The following OTOG variants were observed in gnomAD, a reference collection of about 807,000 sequenced individuals.
OTOG encodes the protein otogelin.
OTOG carries 296 observed loss-of-function variants against 313.8 expected under a neutral mutation model. The ratio of observed to expected loss-of-function variants is 0.94; its 90% confidence interval spans 0.86 to 1.04. The LOEUF is 1.04. Among genes scored for constraint, OTOG ranks in the 50% least tolerant of loss-of-function variants. The pLI is 0.00. For synonymous variants in OTOG, 1,533 were observed against 1,554.9 expected, an observed-to-expected ratio of 0.99 and a Z score of 0.33; for missense variants, 3,948 against 3,840.1, an observed-to-expected ratio of 1.03 and a Z score of -0.74.
At chr11:17,551,729 G>C (rs1003470758) in intron 3 of OTOG, among the ~76,000 whole-genome samples, 1 of 152,148 alleles carries the variant, frequency 6.6e-6, no homozygotes, top group African/African-American at 2.4e-5. Context: ...GGGAGGGGCT[G>C]TGTTCCAGCC....
At chr11:17,550,415 G>T (rs1395318154) in intron 3 of OTOG, among the ~76,000 whole-genome samples, 3 of 152,160 alleles carry the variant, frequency 2.0e-5, no homozygotes, top group African/African-American at 7.2e-5. Flanking sequence ...ACATTATTCT[G>T]AGAAGGTGTC....
chr11:17,600,332 C>G (rs1350267809), intron 31 of OTOG, among the ~76,000 whole-genome samples: 1 of 152,148 alleles, frequency 6.6e-6, no homozygotes, highest in Non-Finnish European at 1.5e-5. Flanking sequence ...TTTTTAGCAC[C>G]GAACTTCATC....
Position 17,561,879 on chromosome 11 carries a change from C to T in OTOG, c.1644+72C>T, listed in dbSNP as rs1852194159. On this transcript the variant is annotated intron_variant, in intron 15 of 55. Transcript: ENST00000399397. ...CTACTGCCCCCAAGAGAGACTGGGACTTAGGACAGGGCTCAGGTCTTCCCA... is the reference window on the plus strand; with the variant it reads ...CTACTGCCCCCAAGAGAGACTGGGATTTAGGACAGGGCTCAGGTCTTCCCA... 5.2e-6 allele frequency: 8 copies of T among 1,524,902 alleles called. No individual in the cohort carries two copies. In the Admixed American group the frequency reaches 9.9e-5, roughly 19 times the overall value. The allele number at this position is 1,524,902 out of a possible 1,614,324, so 94.5% of individuals were successfully genotyped here. A position where few individuals can be genotyped will look rare whatever the true frequency, so the allele number is the denominator to read the frequency against.
At position 17,558,247 on chromosome 11, in the gene OTOG, C is replaced by A. The variant is rs1236654053; in HGVS notation, c.928C>A (p.Pro310Thr). ...HSWQEQAPNQ[P>T]PGPTTSSLPR... ...CTGGCAGGAGCAGGCCCCTAACCAG[C>A]CTCCAGGGCCCACAACTTCCTCCCT... Residue 310 changes from proline (P) to threonine (T), a missense_variant, in exon 9 of 56, where the codon CCT (proline) becomes ACT (threonine). By Grantham distance (38) the Pro-to-Thr change is conservative. Coordinates refer to ENST00000399397, the MANE Select transcript of OTOG (RefSeq NM_001292063.2). 6 of 1,550,542 alleles carry A rather than the reference C, an allele frequency of 3.9e-6. No individual in the cohort carries two copies. Among genetic ancestry groups the A allele is most frequent in the Non-Finnish European group, 5.2e-6 (6 of 1,147,010 alleles).
chr11:17,549,323 C>T (rs1043588478), intron 3 of OTOG, among the ~76,000 whole-genome samples: 2 of 152,154 alleles, frequency 1.3e-5, no homozygotes, highest in Non-Finnish European at 2.9e-5. Context: ...TGGGGAGAAT[C>T]GTTTATGACA....
intron 40 of OTOG, 66 bp downstream of exon 40, chr11:17,629,382 T>G: frequency 6.9e-7 from 1 of 1,451,684 alleles, no homozygotes. Context: ...CCACACATAA[T>G]TCCTCCTGGA....
intron 20 of OTOG, among the ~76,000 whole-genome samples, chr11:17,575,423 T>C (rs909740644): frequency 1.3e-5 from 2 of 152,134 alleles, no homozygotes; most frequent in Non-Finnish European, 2.9e-5. Flanking sequence ...GAGGTGGGCC[T>C]GGAAGTAAAG....
chr11:17,602,462 C>T, intron 32 of OTOG, 85 bp downstream of exon 32: 1 of 1,406,018 alleles, frequency 7.1e-7, no homozygotes, highest in Admixed American at 2.5e-5. Flanking sequence ...CCCTAAGTAT[C>T]TGTAGTGGCC....
intron 7 of OTOG, among the ~76,000 whole-genome samples, 186 bp downstream of exon 7, chr11:17,556,083 AT>A (rs137980843): frequency 9.9e-5 from 15 of 150,822 alleles, no homozygotes; most frequent in East Asian, 1.9e-4. Flanking sequence ...TTGCAGAATG[AT>A]TTTTTTTTTC....
chr11:17,634,816 T>C lies in OTOG; in HGVS notation c.7481-28T>C, dbSNP rs931002093. Reference sequence around the variant, plus strand: ...GCAGTGGGGACATCCGGCCCCGAGGTGACAGGCCCTGTGGTCCCCGGGGCC... The same window carrying C: ...GCAGTGGGGACATCCGGCCCCGAGGCGACAGGCCCTGTGGTCCCCGGGGCC... On this transcript the variant is annotated intron_variant, in intron 44 of 55. Transcript: ENST00000399397. 3.3e-6 allele frequency: 5 copies of C among 1,527,898 alleles called. No individual in the cohort carries two copies. The African/African-American group carries it at 5.5e-5, about 17-fold the overall frequency. 94.6% of individuals were successfully genotyped at this position (1,527,898 alleles called of 1,614,324 possible).
chr11:17,637,010 C>T (rs1303788803), intron 47 of OTOG, among the ~76,000 whole-genome samples: 1 of 152,158 alleles, frequency 6.6e-6, no homozygotes, highest in Non-Finnish European at 1.5e-5. Context: ...ATCACTTTCT[C>T]CCAGTCTTCG....
At position 17,638,433 on chromosome 11, in the gene OTOG, G is replaced by A. The variant is rs2133715424; in HGVS notation, c.7796-18G>A. ...GGTGCCTGTGACTGACGTGTCAACT[G>A]CCTCTCCTTCCCCACAGTGTGTGAG... On this transcript the variant is annotated intron_variant, in intron 47 of 55. Coordinates refer to ENST00000399397, the MANE Select transcript of OTOG (RefSeq NM_001292063.2). 6.5e-7 allele frequency: 1 copy of A among 1,535,952 alleles called. No homozygotes were observed. The highest frequency in any genetic ancestry group is 8.8e-7 in the Non-Finnish European group (1 of 1,141,462).
At chr11:17,587,532 C>T (rs557832993) in intron 24 of OTOG, among the ~76,000 whole-genome samples, 22 of 152,328 alleles carry the variant, frequency 1.4e-4, no homozygotes, top group African/African-American at 5.1e-4. Context: ...ACCCATCTGG[C>T]TAGCTGGAGC....
chr11:17,626,916 A>G lies in OTOG; in HGVS notation c.6529-2217A>G, dbSNP rs544097098. 5.3e-5 allele frequency among the ~76,000 whole-genome samples: 8 copies of G among 152,206 alleles called. No homozygotes were observed. In the East Asian group the frequency reaches 1.3e-3, roughly 26 times the overall value. On this transcript the variant is annotated intron_variant, in intron 39 of 55. Coordinates refer to ENST00000399397, the MANE Select transcript of OTOG (RefSeq NM_001292063.2). ...ATTACTTTTTAAATTTATTTTTCAG[A>G]TTGTTCACTGTTGGCATATAGAAAT...
intron 5 of OTOG, 22 bp from the exon 6 acceptor site, chr11:17,553,343 G>C (rs1462401390): frequency 5.4e-6 from 8 of 1,471,446 alleles, no homozygotes; most frequent in Non-Finnish European, 7.2e-6. Flanking sequence ...TACACAGAGA[G>C]GTTCTCTTTT....
Position 17,634,104 on chromosome 11 carries a change from G to T in OTOG, c.7303G>T (p.Gly2435Trp), listed in dbSNP as rs1329480709. 6.5e-7 allele frequency: 1 copy of T among 1,548,112 alleles called. No individual in the cohort carries two copies. Among genetic ancestry groups the T allele is most frequent in the Non-Finnish European group, 8.7e-7 (1 of 1,146,940 alleles). The stretch of plus-strand genomic sequence containing the variant: ...CAGCATGGGGGTGCCGAGGGCCCTG[G>T]GGGAGACCTGGAACAGCTCCCTCAG... ...TDSMGVPRAL[G>W]ETWNSSLSGC... is the part of the protein sequence containing the mutation. Residue 2435 changes from glycine to tryptophan, a missense_variant, in exon 44 of 56, where the codon GGG (glycine) becomes TGG (tryptophan). Transcript: ENST00000399397.
In OTOG at chr11:17,611,094, A is replaced by G. The variant is rs1176034122; in HGVS notation, c.5794A>G (p.Thr1932Ala). ...SMYGSAEGGP[T>A]ELTPATSHPL... ...GTATGGTTCTGCAGAGGGTGGGCCC[A>G]CAGAGCTCACGCCTGCTACGAGCCA... Residue 1932 changes from threonine to alanine, a missense_variant, in exon 36 of 56, where the codon ACA becomes GCA. Thr to Ala is a moderately conservative substitution (Grantham distance 58). Coordinates refer to ENST00000399397, the MANE Select transcript of OTOG (RefSeq NM_001292063.2). The G allele has an allele frequency of 6.5e-7, 1 of 1,550,342 alleles. No homozygotes were observed. Among genetic ancestry groups the G allele is most frequent in the Non-Finnish European group, 8.7e-7 (1 of 1,146,902 alleles).
intron 53 of OTOG, 64 bp downstream of exon 53, chr11:17,642,310 GGTGGA>G: frequency 6.7e-7 from 1 of 1,500,722 alleles, no homozygotes; most frequent in Non-Finnish European, 9.0e-7. Flanking sequence ...CTGGTGGTGG[GGTGGA>G]GGTCCTGTGT....
Position 17,552,076 on chromosome 11 carries a change from G to A in OTOG, c.292+1G>A. 2 of 1,550,456 alleles carry A rather than the reference G, an allele frequency of 1.3e-6. No individual in the cohort carries two copies. The highest frequency in any genetic ancestry group is 1.7e-6 in the Non-Finnish European group (2 of 1,146,810). ...CATCGGGCCAAGTGTGCACCATCCTGTAAGTGGCACCTTCACTGTGGTCCA... is the reference window on the plus strand; with the variant it reads ...CATCGGGCCAAGTGTGCACCATCCTATAAGTGGCACCTTCACTGTGGTCCA... On this transcript the variant is annotated splice_donor_variant, in intron 4 of 55. Coordinates refer to ENST00000399397, the MANE Select transcript of OTOG (RefSeq NM_001292063.2). LOFTEE classifies it high-confidence loss of function.
Sources: gnomAD v4.1 joint callset for allele counts (sites outside exome capture counted in the v4.1 genomes callset) on GRCh38, gnomAD v4.1.1 for gene constraint, MANE v1.5 for transcripts, NCBI Gene and HGNC (gene_info 2026-07-23, HGNC 2026-07-21) for gene names.